Variants in NMD3 observed in about 807,000 individuals in gnomAD.
NMD3 encodes the protein NMD3 ribosome export adaptor.
A neutral mutation model predicts 73.1 loss-of-function variants in NMD3; 47 were observed. That is an observed-to-expected ratio of 0.64 (90% CI 0.51 to 0.82). The LOEUF is 0.82. NMD3 is among the 40% of genes least tolerant of loss of function. NMD3 has a pLI of 0.00. For missense variants in NMD3, 554 were observed against 612.5 expected (o/e 0.90, Z 1.01); for synonymous variants, 210 against 194.5 (o/e 1.08, Z -0.66).
At chr3:161,237,824 G>A (rs573139938) in intron 7 of NMD3, among the ~76,000 whole-genome samples, 32 of 152,004 alleles carry the variant, frequency 2.1e-4, no homozygotes, top group African/African-American at 7.2e-4. Flanking sequence ...CACCGCACCC[G>A]GCTGTTCATA....
At chr3:161,223,302 G>A (rs1736181130) in intron 2 of NMD3, among the ~76,000 whole-genome samples, 1 of 152,224 alleles carries the variant, frequency 6.6e-6, no homozygotes, top group South Asian at 2.1e-4. Context: ...ATTGGACATG[G>A]AAGATTATTG....
chr3:161,246,447 G>A lies in NMD3; in HGVS notation c.1129G>A (p.Gly377Arg). 7.3e-7 allele frequency: 1 copy of A among 1,378,786 alleles called. No individual in the cohort carries two copies. Among genetic ancestry groups the A allele is most frequent in the Non-Finnish European group, 1.0e-6 (1 of 997,610 alleles). 85.4% of individuals were successfully genotyped at this position (1,378,786 alleles called of 1,614,324 possible). A position where few individuals can be genotyped will look rare whatever the true frequency, so the allele number is the denominator to read the frequency against. The change falls in exon 12 of 16, where the codon GGG becomes AGG. Residue 377 changes from glycine to arginine, a missense_variant and splice_region_variant. Transcript: ENST00000351193. The part of the protein sequence containing the change: ...HLLNPGDLVL[G>R]FDLANCNLND... ...TCTAAATCCCGGAGACCTGGTGTTA[G>A]GGTTTGTATTATTTCATATTTTAAA...
Position 161,250,314 on chromosome 3 carries a change from A to G in NMD3, c.1369A>G (p.Asn457Asp), listed in dbSNP as rs1483438365. ...AGATGAGGCAATTCGAAAAAATGTC[A>G]ACATTTACAGAGGTTGGTGTTCTAG... is the stretch of plus-strand genomic sequence containing the variant. ...EEDEAIRKNV[N>D]IYRDSAIPVE... Residue 457 changes from asparagine (N) to aspartate (D), a missense_variant, in exon 15 of 16, where the codon AAC becomes GAC. Physicochemically the swap from Asn to Asp is conservative, Grantham distance 23 (BLOSUM62 1). Transcript: ENST00000351193. 7 of 1,599,646 alleles carry G rather than the reference A, an allele frequency of 4.4e-6. No individual in the cohort carries two copies. Among genetic ancestry groups the G allele is most frequent in the Admixed American group, 1.7e-5 (1 of 59,894 alleles).
At chr3:161,225,970 A>G (rs1240806783) in intron 3 of NMD3, among the ~76,000 whole-genome samples, 1 of 152,102 alleles carries the variant, frequency 6.6e-6, no homozygotes, top group Non-Finnish European at 1.5e-5. Context: ...TCTTTTATAA[A>G]TATTTGCTAT....
Position 161,237,228 on chromosome 3 carries a change from A to G in NMD3, c.578-885A>G, listed in dbSNP as rs991590212. On this transcript the variant is annotated intron_variant, in intron 7 of 15. Coordinates refer to ENST00000351193, the MANE Select transcript of NMD3 (RefSeq NM_015938.5). Reference sequence around the variant, plus strand: ...CTTTTTCTTTTTAAAATCTTAATACATGATTTTTAAATGAATGTTTTATGA... The same window carrying G: ...CTTTTTCTTTTTAAAATCTTAATACGTGATTTTTAAATGAATGTTTTATGA... Among the ~76,000 whole-genome samples the G allele has an allele frequency of 2.0e-5, 3 of 152,146 alleles. No homozygotes were observed. In the South Asian group the frequency reaches 6.2e-4, roughly 32 times the overall value.
rs369931757 is a variant in NMD3 at position 161,229,954 on chromosome 3, AGTG to A, written c.276+2620_276+2622del. 1.2e-3 allele frequency among the ~76,000 whole-genome samples: 185 copies of A among 152,322 alleles called. 1 individual carries two copies. Among genetic ancestry groups the A allele is most frequent in the Admixed American group, 8.4e-3 (129 of 15,300 alleles). Reference sequence around the variant, plus strand: ...TTAATAACATGGGCAATTTCTGTTTAGTGGTGGTGGTAAAGATGTCATTTAAAT... The same window carrying A: ...TTAATAACATGGGCAATTTCTGTTTAGTGGTGGTAAAGATGTCATTTAAAT... On this transcript the variant is annotated intron_variant, in intron 4 of 15. Transcript: ENST00000351193.
In NMD3 at chr3:161,222,141, G is replaced by C; in HGVS notation, c.44+84G>C. ...AACTCACTATGGAGAACGCTTGAGG[G>C]TGGGTGGGAAAGAGCGTATATTGTC... is the stretch of plus-strand genomic sequence containing the variant. On this transcript the variant is annotated intron_variant, in intron 2 of 15. Transcript: ENST00000351193. The C allele has an allele frequency of 3.6e-6, 4 of 1,101,000 alleles. No homozygotes were observed. The South Asian group carries it at 3.8e-5, about 11-fold the overall frequency. 68.2% of individuals were successfully genotyped at this position (1,101,000 alleles called of 1,614,324 possible).
rs532108830 is a variant in NMD3 at position 161,222,073 on chromosome 3, C to T, written c.44+16C>T. 2.5e-6 allele frequency: 4 copies of T among 1,572,394 alleles called. No individual in the cohort carries two copies. Among genetic ancestry groups the T allele is most frequent in the African/African-American group, 1.4e-5 (1 of 72,676 alleles). ...CTGGACACATGTGAGTGCGACACTT[C>T]TTCCTTCCCCCTTAAATGTGAAAAT... On this transcript the variant is annotated intron_variant, in intron 2 of 15. Transcript: ENST00000351193.
chr3:161,225,117 A>ATTCGGCG, intron 3 of NMD3, 53 bp downstream of exon 3: 1 of 1,519,354 alleles, frequency 6.6e-7, no homozygotes, highest in Non-Finnish European at 8.9e-7. Flanking sequence ...ACATTTAGAG[A>ATTCGGCG]ACCACCGAGA....
rs191289830 is a variant in NMD3 at position 161,241,142 on chromosome 3, A to G, written c.850A>G (p.Ile284Val). The change falls in exon 10 of 16, where the codon ATT becomes GTT. Residue 284 changes from isoleucine to valine, a missense_variant. Coordinates refer to ENST00000351193, the MANE Select transcript of NMD3 (RefSeq NM_015938.5). The stretch of plus-strand genomic sequence containing the variant: ...TCGAGTAACCAGTGCCATTCACCTC[A>G]TTGATCCAAACACCCTACAAGGTAA... Reference protein sequence around the residue: ...CIRVTSAIHLIDPNTLQVADI... With the variant: ...CIRVTSAIHLVDPNTLQVADI... 12 of 1,606,768 alleles carry G rather than the reference A, an allele frequency of 7.5e-6. No individual in the cohort carries two copies. The Admixed American group carries it at 8.4e-5, about 11-fold the overall frequency.
intron 4 of NMD3, among the ~76,000 whole-genome samples, chr3:161,229,050 A>G (rs1338806101): frequency 6.6e-6 from 1 of 152,158 alleles, no homozygotes. Context: ...AAAGAAAACA[A>G]ATGTAGAGAC....
Position 161,250,933 on chromosome 3 carries a change from A to C in NMD3, c.*23A>C. 6.2e-7 allele frequency: 1 copy of C among 1,600,236 alleles called. No homozygotes were observed. Among genetic ancestry groups the C allele is most frequent in the Non-Finnish European group, 8.5e-7 (1 of 1,171,458 alleles). The stretch of plus-strand genomic sequence containing the variant: ...TAATGAGATGTTGTAGACTGTTTCC[A>C]TACATGGGCTTAAGAAGTTGGACAG... On this transcript the variant is annotated 3_prime_UTR_variant, in exon 16 of 16. Transcript: ENST00000351193.
intron 9 of NMD3, among the ~76,000 whole-genome samples, chr3:161,239,851 A>G: frequency 6.6e-6 from 1 of 152,230 alleles, no homozygotes; most frequent in African/African-American, 2.4e-5. Context: ...GTTGTACAAA[A>G]GTAGCATGGG....
At position 161,229,489 on chromosome 3, in the gene NMD3, G is replaced by T. The variant is rs144421164; in HGVS notation, c.276+2146G>T. Among the ~76,000 whole-genome samples the T allele has an allele frequency of 6.0e-3, 919 of 152,228 alleles. 8 individuals carry two copies. The highest frequency in any genetic ancestry group is 0.021 in the African/African-American group (880 of 41,520). On this transcript the variant is annotated intron_variant, in intron 4 of 15. Coordinates refer to ENST00000351193, the MANE Select transcript of NMD3 (RefSeq NM_015938.5). ...CGTGACCTGAGCAGCCAAGTCACTG[G>T]GTAGGGGGCATGAGAGTTCATCTGT...
At position 161,224,915 on chromosome 3, in the gene NMD3, C is replaced by A; in HGVS notation, c.45-15C>A. The A allele has an allele frequency of 6.5e-7, 1 of 1,541,090 alleles. No individual in the cohort carries two copies. Among genetic ancestry groups the A allele is most frequent in the Non-Finnish European group, 8.7e-7 (1 of 1,148,490 alleles). On this transcript the variant is annotated splice_polypyrimidine_tract_variant and intron_variant, in intron 2 of 15. Coordinates refer to ENST00000351193, the MANE Select transcript of NMD3 (RefSeq NM_015938.5). ...AAAAATCTAATGTGAAAAATTTATC[C>A]TTTATTTATTAAAGCTTGTGCTGTG...
intron 11 of NMD3, among the ~76,000 whole-genome samples, chr3:161,243,069 C>A (rs556229256): frequency 8.5e-4 from 130 of 152,124 alleles, no homozygotes; most frequent in African/African-American, 2.9e-3. Flanking sequence ...TGTTACCATA[C>A]CTATAAAACA....
intron 11 of NMD3, among the ~76,000 whole-genome samples, chr3:161,243,944 C>T (rs1737091023): frequency 6.6e-6 from 1 of 151,136 alleles, no homozygotes; most frequent in Non-Finnish European, 1.5e-5. Context: ...CCTGTTACCT[C>T]TTTTTTTTTC....
At chr3:161,243,290 G>A (rs1025222225) in intron 11 of NMD3, among the ~76,000 whole-genome samples, 2 of 152,092 alleles carry the variant, frequency 1.3e-5, no homozygotes. Context: ...ATAATATACT[G>A]TAATAAAAGT....
At chr3:161,223,874 G>A (rs1428535945) in intron 2 of NMD3, among the ~76,000 whole-genome samples, 2 of 152,190 alleles carry the variant, frequency 1.3e-5, no homozygotes, top group Non-Finnish European at 2.9e-5. Context: ...GAATAACAGT[G>A]CTTCTCAAAT....
Sources: allele counts gnomAD v4.1 joint callset (sites outside exome capture counted in the v4.1 genomes callset), GRCh38; gene constraint gnomAD v4.1.1; transcripts MANE v1.5; gene names NCBI Gene and HGNC (gene_info 2026-07-23, HGNC 2026-07-21).